HUWE1: variants seen among roughly 807,000 people sequenced by gnomAD.
The protein encoded by HUWE1 is E3 ubiquitin-protein ligase HUWE1.
Under a neutral mutation model 299.4 loss-of-function variants are expected in HUWE1, and 18 were observed. That is an observed-to-expected ratio of 0.06 (90% CI 0.04 to 0.09). The LOEUF (loss-of-function observed/expected upper bound fraction) is 0.09, where lower values mean the gene tolerates loss of function less well. Ranked by LOEUF, HUWE1 falls within the 10% of genes least tolerant of loss-of-function variation. The pLI, the probability that HUWE1 is intolerant of heterozygous loss-of-function variation, is 1.00. For synonymous variants in HUWE1, 1,317 were observed against 1,286.1 expected, an observed-to-expected ratio of 1.02 and a Z score of -0.51; for missense variants, 1,832 against 3,462.3, an observed-to-expected ratio of 0.53 and a Z score of 11.82.
intron 82 of HUWE1, 102 bp downstream of exon 82, chrX:53,534,414 G>T: frequency 2.5e-6 from 2 of 794,904 alleles, no homozygotes; most frequent in Non-Finnish European, 3.7e-6. Flanking sequence ...TCTTCTACAT[G>T]CAACTTCCTC....
At chrX:53,563,408 C>T (rs2062381979) in intron 52 of HUWE1, among the ~76,000 whole-genome samples, 1 of 110,997 alleles carries the variant, frequency 9.0e-6, no homozygotes, top group African/African-American at 3.3e-5. Flanking sequence ...GCAGAAAGCC[C>T]CTGGACTTCA....
chrX:53,604,798 G>A lies in HUWE1; in HGVS notation c.2533C>T (p.Leu845Phe). ...SHEPKVLQEGLLQLDSILSSL... is the reference protein window; with the variant it reads ...SHEPKVLQEGFLQLDSILSSL... The stretch of plus-strand genomic sequence containing the variant: ...GAGAGGATGGAGTCCAACTGAAGGA[G>A]ACCCTCTTGAAGGACTTTGGGTTCA... The change falls in exon 26 of 84, where the codon CTC becomes TTC. Residue 845 changes from leucine to phenylalanine, a missense_variant. Leu to Phe is a conservative substitution (Grantham distance 22, BLOSUM62 0). This residue lies in a region of HUWE1 where 658 missense variants were observed against 1,282.6 expected (regional missense o/e 0.51). Coordinates refer to ENST00000262854, the MANE Select transcript of HUWE1 (RefSeq NM_031407.7). 1 of 1,209,041 alleles carries A rather than the reference G, an allele frequency of 8.3e-7. No homozygotes were observed. Among genetic ancestry groups the A allele is most frequent in the Non-Finnish European group, 1.1e-6 (1 of 892,837 alleles).
At chrX:53,537,347 T>G in intron 78 of HUWE1, 1 of 455,185 alleles carries the variant, frequency 2.2e-6, no homozygotes, top group Non-Finnish European at 3.9e-6. Flanking sequence ...CTGGGAATTG[T>G]TGGGTAGCTT....
At chrX:53,554,245 T>A (rs1044136152) in intron 61 of HUWE1, among the ~76,000 whole-genome samples, 5 of 110,448 alleles carry the variant, frequency 4.5e-5, no homozygotes, top group African/African-American at 1.7e-4. Context: ...TTCCCCCCAA[T>A]AGAGATGGGG....
chrX:53,590,267 C>G, intron 35 of HUWE1, 137 bp downstream of exon 35: 1 of 541,884 alleles, frequency 1.8e-6, no homozygotes. Flanking sequence ...GATGGCAAAG[C>G]TGGGATGAAT....
chrX:53,621,593 CTCA>C (rs1401408955), intron 19 of HUWE1, among the ~76,000 whole-genome samples: 1 of 108,516 alleles, frequency 9.2e-6, no homozygotes, highest in Non-Finnish European at 1.9e-5. Flanking sequence ...CCCCACATAA[CTCA>C]TCATAACTCC....
chrX:53,673,398 C>A (rs1299850176), intron 3 of HUWE1, among the ~76,000 whole-genome samples: 1 of 111,289 alleles, frequency 9.0e-6, no homozygotes, highest in Non-Finnish European at 1.9e-5. Context: ...GGATGCGGCT[C>A]AAGTTTAAAC....
At chrX:53,579,547 C>A (rs2148198055) in intron 43 of HUWE1, among the ~76,000 whole-genome samples, 1 of 109,290 alleles carries the variant, frequency 9.1e-6, no homozygotes, top group East Asian at 2.9e-4. Context: ...CGGATGGTTG[C>A]CGGGTCTGTG....
intron 49 of HUWE1, among the ~76,000 whole-genome samples, chrX:53,566,133 G>GTGTATATATATATATATATATGTATATA (rs782815282): frequency 2.6e-5 from 1 of 38,989 alleles, no homozygotes; most frequent in Non-Finnish European, 4.7e-5. Flanking sequence ...GTGTGTGTGT[G>GTGTATATATATATATATATATGTATATA]TATATATATA....
At chrX:53,603,273 C>T (rs2064977486) in intron 27 of HUWE1, 95 bp downstream of exon 27, 1 of 915,233 alleles carries the variant, frequency 1.1e-6, no homozygotes, top group Non-Finnish European at 1.5e-6. Flanking sequence ...GGCCTCTGAA[C>T]TCTCTTCCAT....
chrX:53,558,944 T>C (rs782193028), intron 58 of HUWE1, 27 bp downstream of exon 58: 1 of 1,183,229 alleles, frequency 8.5e-7, no homozygotes, highest in South Asian at 1.8e-5. Flanking sequence ...GGCTCACTAT[T>C]GCCCTGATAA....
chrX:53,646,006 T>A (rs181416338), intron 6 of HUWE1, among the ~76,000 whole-genome samples: 294 of 110,086 alleles, frequency 2.7e-3, no homozygotes, highest in Middle Eastern at 0.019. Flanking sequence ...CTCTTCTGTA[T>A]CCTTTATGAC....
At chrX:53,591,230 G>C in intron 33 of HUWE1, 108 bp from the exon 34 acceptor site, 1 of 906,553 alleles carries the variant, frequency 1.1e-6, no homozygotes, top group Admixed American at 2.6e-5. Context: ...ACTTCATCTG[G>C]GCTGAGAGCA....
At chrX:53,619,590 GAAAAAAAA>G (rs35685121) in intron 19 of HUWE1, among the ~76,000 whole-genome samples, 1 of 41,166 alleles carries the variant, frequency 2.4e-5, no homozygotes, top group Non-Finnish European at 4.6e-5. Context: ...AGAAATAGAA[GAAAAAAAA>G]AAAAAAAAAA....
intron 3 of HUWE1, among the ~76,000 whole-genome samples, chrX:53,664,365 TAAGG>T (rs1230121792): frequency 8.9e-6 from 1 of 111,987 alleles, no homozygotes; most frequent in African/African-American, 3.3e-5. Context: ...AAATTTTCCT[TAAGG>T]AAGAAAACAC....
chrX:53,537,974 G>A (rs139882252), intron 77 of HUWE1, among the ~76,000 whole-genome samples: 1,213 of 111,674 alleles, frequency 0.011, 22 homozygotes, highest in African/African-American at 0.038. Flanking sequence ...ACGAGGAGAA[G>A]GAGAGGCATA....
Position 53,538,996 on chromosome X carries a change from C to T in HUWE1, c.11717G>A (p.Ser3906Asn). 6 of 1,208,450 alleles carry T rather than the reference C, an allele frequency of 5.0e-6. No homozygotes were observed. Among genetic ancestry groups the T allele is most frequent in the Non-Finnish European group, 6.7e-6 (6 of 894,155 alleles). ...CTCGTCCTTGATGTGTGCCAGCTGGCTCTCACGGGTGTCTCGGACAGGAGG... is the reference window on the plus strand; with the variant it reads ...CTCGTCCTTGATGTGTGCCAGCTGGTTCTCACGGGTGTCTCGGACAGGAGG... ...SKPPVRDTRESQLAHIKDEPP... is the reference protein window; with the variant it reads ...SKPPVRDTRENQLAHIKDEPP... The change falls in exon 76 of 84, where the codon AGC (serine) becomes AAC (asparagine). Residue 3906 changes from serine (S) to asparagine (N), a missense_variant. Around this residue, in one of 15 missense-constraint regions of HUWE1, gnomAD observed 129 missense variants for 439.4 expected, o/e 0.29. Coordinates refer to ENST00000262854, the MANE Select transcript of HUWE1 (RefSeq NM_031407.7).
chrX:53,545,258 A>G (rs2061497017), intron 70 of HUWE1, 97 bp from the exon 71 acceptor site: 2 of 847,258 alleles, frequency 2.4e-6, no homozygotes, highest in Non-Finnish European at 1.7e-6. Flanking sequence ...GCCACTCTTC[A>G]TTGCTCAGCT....
intron 4 of HUWE1, among the ~76,000 whole-genome samples, chrX:53,653,229 T>A (rs1202925480): frequency 8.9e-6 from 1 of 112,528 alleles, no homozygotes; most frequent in East Asian, 2.8e-4. Context: ...CCAGGTACTT[T>A]TACATTTTTT....
Sources: gnomAD v4.1 joint callset for allele counts (sites outside exome capture counted in the v4.1 genomes callset) on GRCh38, gnomAD v4.1.1 for gene constraint, gnomAD v4.1.1 regional missense constraint, MANE v1.5 for transcripts, NCBI Gene and HGNC (gene_info 2026-07-23, HGNC 2026-07-21) for gene names.